Variants in SPIN1 observed in about 807,000 individuals in gnomAD.
SPIN1 encodes the protein spindlin 1.
Under a neutral mutation model 26.0 loss-of-function variants are expected in SPIN1, and 3 were observed. That is an observed-to-expected ratio of 0.12 (90% CI 0.05 to 0.30). SPIN1 has a LOEUF of 0.30. Ranked by LOEUF, SPIN1 falls within the 10% of genes least tolerant of loss-of-function variation. SPIN1 has a pLI of 1.00. For missense variants in SPIN1, 126 were observed against 333.4 expected (o/e 0.38, Z 4.84); for synonymous variants, 101 against 116.5 (o/e 0.87, Z 0.86).
chr9:88,449,230 T>G (rs1828310974), intron 3 of SPIN1, among the ~76,000 whole-genome samples: 1 of 151,952 alleles, frequency 6.6e-6, no homozygotes, highest in Non-Finnish European at 1.5e-5. Flanking sequence ...ACTGGGCCAA[T>G]GGAAGGAAAA....
intron 2 of SPIN1, among the ~76,000 whole-genome samples, chr9:88,447,154 T>G (rs773697371): frequency 5.3e-5 from 8 of 152,198 alleles, no homozygotes; most frequent in Non-Finnish European, 1.2e-4. Context: ...TTGCTGTGTG[T>G]CAAGGTCACT....
At chr9:88,471,673 A>T (rs1242577295) in intron 5 of SPIN1, among the ~76,000 whole-genome samples, 1 of 151,164 alleles carries the variant, frequency 6.6e-6, no homozygotes, top group African/African-American at 2.4e-5. Context: ...AAAAAAAAAA[A>T]AAAAAAGAAA....
At chr9:88,398,501 G>T (rs1827116288) in intron 1 of SPIN1, among the ~76,000 whole-genome samples, 1 of 151,958 alleles carries the variant, frequency 6.6e-6, no homozygotes, top group Admixed American at 6.6e-5. Flanking sequence ...GAAAATTGAG[G>T]GTGTCTGGTT....
chr9:88,417,286 A>G (rs1422939680), intron 1 of SPIN1, among the ~76,000 whole-genome samples: 1 of 151,974 alleles, frequency 6.6e-6, no homozygotes, highest in Non-Finnish European at 1.5e-5. Flanking sequence ...TCAGCACAAC[A>G]CTTCTGTGAT....
intron 1 of SPIN1, among the ~76,000 whole-genome samples, chr9:88,413,057 A>G (rs1408578593): frequency 6.7e-6 from 1 of 148,824 alleles, no homozygotes; most frequent in African/African-American, 2.6e-5. Flanking sequence ...TTAAGATATT[A>G]AAATTAAGTT....
At chr9:88,416,951 G>C (rs1291230744) in intron 1 of SPIN1, among the ~76,000 whole-genome samples, 1 of 152,200 alleles carries the variant, frequency 6.6e-6, no homozygotes, top group Non-Finnish European at 1.5e-5. Context: ...ACATAGAAGA[G>C]TTGAAACTAT....
At chr9:88,397,082 A>G (rs1242158610) in intron 1 of SPIN1, among the ~76,000 whole-genome samples, 5 of 152,120 alleles carry the variant, frequency 3.3e-5, no homozygotes, top group Admixed American at 6.6e-5. Flanking sequence ...ACATTACTGT[A>G]CACTACCGTA....
Position 88,418,263 on chromosome 9 carries a change from A to G in SPIN1, c.-158-8119A>G, listed in dbSNP as rs185315096. Among the ~76,000 whole-genome samples, 552 of 152,344 alleles carry G rather than the reference A, an allele frequency of 3.6e-3. 2 individuals carry two copies. The highest frequency in any genetic ancestry group is 6.8e-3 in the Middle Eastern group (2 of 294). On this transcript the variant is annotated intron_variant, in intron 1 of 5. Transcript: ENST00000375859. ...TGAGGCTATCCAGAAGCCATCAGAC[A>G]TCATTCATCTCATTAGCATAAAAAA... is the stretch of plus-strand genomic sequence containing the variant.
At chr9:88,469,111 G>T (rs1481383834) in intron 5 of SPIN1, among the ~76,000 whole-genome samples, 1 of 152,174 alleles carries the variant, frequency 6.6e-6, no homozygotes, top group East Asian at 1.9e-4. Context: ...GTTTTCTGTG[G>T]ATTGGGGGTT....
At chr9:88,471,677 AAAG>A (rs1180115070) in intron 5 of SPIN1, among the ~76,000 whole-genome samples, 1 of 151,038 alleles carries the variant, frequency 6.6e-6, no homozygotes, top group Non-Finnish European at 1.5e-5. Context: ...AAAAAAAAAA[AAAG>A]AAAATCAGTT....
intron 2 of SPIN1, among the ~76,000 whole-genome samples, chr9:88,440,995 G>A (rs1828111597): frequency 6.6e-6 from 1 of 151,532 alleles, no homozygotes; most frequent in South Asian, 2.1e-4. Context: ...TAGGGGTAGT[G>A]CCACGTACTT....
intron 1 of SPIN1, among the ~76,000 whole-genome samples, chr9:88,422,497 T>C: frequency 6.6e-6 from 1 of 152,190 alleles, no homozygotes; most frequent in East Asian, 1.9e-4. Flanking sequence ...TTGAAAGCCT[T>C]ACATGGCAGC....
chr9:88,466,248 C>T (rs898004658), intron 4 of SPIN1, among the ~76,000 whole-genome samples: 4 of 152,078 alleles, frequency 2.6e-5, no homozygotes, highest in East Asian at 1.9e-4. Flanking sequence ...TGTCTCAACA[C>T]GTTGAGCTCA....
At chr9:88,426,083 G>A (rs762712711) in intron 1 of SPIN1, among the ~76,000 whole-genome samples, 2 of 152,116 alleles carry the variant, frequency 1.3e-5, no homozygotes, top group Non-Finnish European at 2.9e-5. Context: ...GGATGCTTTA[G>A]GATAATAATG....
intron 2 of SPIN1, among the ~76,000 whole-genome samples, chr9:88,437,989 T>C (rs894120595): frequency 2.6e-5 from 4 of 151,900 alleles, no homozygotes; most frequent in African/African-American, 4.8e-5. Flanking sequence ...TTGTCTCTAC[T>C]AAAAATAGAA....
At chr9:88,418,753 A>G (rs1287919738) in intron 1 of SPIN1, 1 of 152,168 alleles carries the variant, frequency 6.6e-6, no homozygotes, top group Non-Finnish European at 1.5e-5. Context: ...TTATTGAAGC[A>G]ATCTATGTGT....
At chr9:88,389,398 C>T (rs763899137) in intron 1 of SPIN1, 7 of 152,158 alleles carry the variant, frequency 4.6e-5, no homozygotes, top group Non-Finnish European at 8.8e-5. Context: ...TGTGCGTTCT[C>T]GATTTTACAG....
At chr9:88,473,992 G>C (rs1828843233) in intron 5 of SPIN1, among the ~76,000 whole-genome samples, 1 of 152,212 alleles carries the variant, frequency 6.6e-6, no homozygotes, top group South Asian at 2.1e-4. Flanking sequence ...CTTAGTACCA[G>C]AGATCACAGT....
intron 3 of SPIN1, 47 bp from the exon 4 acceptor site, chr9:88,462,449 G>C: frequency 6.3e-7 from 1 of 1,589,374 alleles, no homozygotes; most frequent in Non-Finnish European, 8.6e-7. Context: ...ATCTAGGCAT[G>C]CATACTTTTG....
Sources: gnomAD v4.1 joint callset for allele counts (sites outside exome capture counted in the v4.1 genomes callset) on GRCh38, gnomAD v4.1.1 for gene constraint, MANE v1.5 for transcripts, NCBI Gene and HGNC (gene_info 2026-07-23, HGNC 2026-07-21) for gene names.